The following LRRFIP1 variants were observed in gnomAD, a reference collection of about 807,000 sequenced individuals.
LRRFIP1 encodes LRR binding FLII interacting protein 1.
In LRRFIP1, 62 loss-of-function variants were observed where a neutral mutation model predicts 104.4. The observed-to-expected ratio is 0.59, with a 90% CI of 0.48 to 0.73. The LOEUF (loss-of-function observed/expected upper bound fraction) is 0.73. Among genes scored for constraint, LRRFIP1 ranks in the 30% least tolerant of loss-of-function variants. The pLI is 0.00. For synonymous variants in LRRFIP1, 300 were observed against 299.0 expected (o/e 1.00, Z -0.03); for missense variants, 796 against 824.5 (o/e 0.97, Z 0.42).
chr2:237,738,462 C>G (rs2095320227), intron 10 of LRRFIP1, among the ~76,000 whole-genome samples: 1 of 152,198 alleles, frequency 6.6e-6, no homozygotes, highest in African/African-American at 2.4e-5. Flanking sequence ...GCGTGGGTCT[C>G]TCTTGAAGAT....
chr2:237,743,561 T>A (rs1274838029), intron 11 of LRRFIP1, among the ~76,000 whole-genome samples: 1 of 152,162 alleles, frequency 6.6e-6, no homozygotes, highest in Non-Finnish European at 1.5e-5. Context: ...TTTCTTCCTC[T>A]CCAGCACGAC....
chr2:237,772,154 A>T lies in LRRFIP1; in HGVS notation c.1583A>T (p.Asp528Val). ...CTAGACAATCTTCGATCTGAAGATG[A>T]TGTCTTGGAAAACGGGACAGACATG... is the stretch of plus-strand genomic sequence containing the variant. ...GKLDNLRSEDDVLENGTDMHV... is the reference protein window; with the variant it reads ...GKLDNLRSEDVVLENGTDMHV... Residue 528 changes from aspartate (D) to valine (V), a missense_variant, in exon 21 of 24, where the codon GAT becomes GTT. Asp to Val is a radical substitution (Grantham distance 152). Coordinates refer to ENST00000308482, the MANE Select transcript of LRRFIP1 (RefSeq NM_001137550.2). 2 of 1,613,978 alleles carry T rather than the reference A, an allele frequency of 1.2e-6. No homozygotes were observed.
intron 1 of LRRFIP1, among the ~76,000 whole-genome samples, chr2:237,665,073 C>T (rs144442999): frequency 1.2e-4 from 19 of 152,248 alleles, no homozygotes; most frequent in African/African-American, 4.1e-4. Context: ...TATAATTTTA[C>T]TTATTCATGA....
At chr2:237,779,383 C>G (rs762096454) in intron 23 of LRRFIP1, 39 bp from the exon 24 acceptor site, 1 of 1,604,000 alleles carries the variant, frequency 6.2e-7, no homozygotes, top group South Asian at 1.1e-5. Context: ...TTGGAGGAAA[C>G]AAGTTCCTTA....
intron 12 of LRRFIP1, 141 bp from the exon 13 acceptor site, chr2:237,749,057 GA>G: frequency 1.3e-6 from 1 of 781,056 alleles, no homozygotes; most frequent in South Asian, 1.9e-5. Flanking sequence ...CAGCATGGGG[GA>G]AACTGCCCCC....
Position 237,649,568 on chromosome 2 carries a change from G to A in LRRFIP1, c.96+21828G>A, listed in dbSNP as rs1331666000. 6.6e-6 allele frequency among the ~76,000 whole-genome samples: 1 copy of A among 151,954 alleles called. No individual in the cohort carries two copies. The highest frequency in any genetic ancestry group is 1.5e-5 in the Non-Finnish European group (1 of 67,942). ...CACTGTGGTGTGAGAGGCAATTGTGGGTCAGCCTGAGGGCACACCCAATAT... is the reference window on the plus strand; with the variant it reads ...CACTGTGGTGTGAGAGGCAATTGTGAGTCAGCCTGAGGGCACACCCAATAT... On this transcript the variant is annotated intron_variant, in intron 1 of 23. Coordinates refer to ENST00000308482, the MANE Select transcript of LRRFIP1 (RefSeq NM_001137550.2). This position sits in a 1 kb window ranked among gnomAD's most constrained non-coding sequence, Gnocchi z 4.1.
chr2:237,774,259 C>G (rs1245205296), intron 22 of LRRFIP1, 99 bp from the exon 23 acceptor site: 2 of 718,120 alleles, frequency 2.8e-6, no homozygotes, highest in Non-Finnish European at 4.8e-6. Flanking sequence ...TGTATTCTCC[C>G]ATTTTATTAA....
intron 1 of LRRFIP1, among the ~76,000 whole-genome samples, chr2:237,704,169 T>TTC (rs1553648035): frequency 1.4e-5 from 2 of 147,362 alleles, no homozygotes; most frequent in Non-Finnish European, 3.0e-5. Context: ...TTTTTTTTTT[T>TTC]CAAGGCAGAG....
At position 237,711,056 on chromosome 2, in the gene LRRFIP1, T is replaced by C. The variant is rs922462584; in HGVS notation, c.183+2426T>C. Among the ~76,000 whole-genome samples the C allele has an allele frequency of 6.6e-6, 1 of 152,104 alleles. No individual in the cohort carries two copies. Among genetic ancestry groups the C allele is most frequent in the African/African-American group, 2.4e-5 (1 of 41,422 alleles). ...CCACTGCACTCCAGCTGGGGCAACA[T>C]AATGAGACCCCTATCTCTTTCAAAA... On this transcript the variant is annotated intron_variant, in intron 2 of 23. Coordinates refer to ENST00000308482, the MANE Select transcript of LRRFIP1 (RefSeq NM_001137550.2). The surrounding 1 kb of genome is among the most constrained non-coding windows in gnomAD (Gnocchi z 4.4).
At chr2:237,715,777 T>G (rs2094308758) in intron 3 of LRRFIP1, among the ~76,000 whole-genome samples, 1 of 152,258 alleles carries the variant, frequency 6.6e-6, no homozygotes, top group Non-Finnish European at 1.5e-5. Context: ...TCCGCATGGC[T>G]TCCGGATCAT....
chr2:237,666,597 A>G (rs2089294544), intron 1 of LRRFIP1, among the ~76,000 whole-genome samples: 1 of 150,866 alleles, frequency 6.6e-6, no homozygotes, highest in Non-Finnish European at 1.5e-5. Flanking sequence ...GGAGACAGGG[A>G]GGCCCTGAGA....
chr2:237,712,133 C>T (rs147263515), intron 2 of LRRFIP1, among the ~76,000 whole-genome samples: 3 of 152,312 alleles, frequency 2.0e-5, no homozygotes, highest in East Asian at 1.9e-4. Context: ...CCACTGGTGA[C>T]GGGCATCTTC....
intron 1 of LRRFIP1, among the ~76,000 whole-genome samples, chr2:237,679,848 T>C (rs956840027): frequency 6.6e-6 from 1 of 152,146 alleles, no homozygotes; most frequent in Non-Finnish European, 1.5e-5. Flanking sequence ...CCTCGGGTGA[T>C]CCACCCGCCT....
intron 1 of LRRFIP1, among the ~76,000 whole-genome samples, chr2:237,706,389 T>G (rs1031675946): frequency 3.3e-5 from 5 of 152,044 alleles, no homozygotes; most frequent in African/African-American, 1.2e-4. Context: ...CGGCCCCTCC[T>G]CTCTGTTCCT....
Position 237,700,027 on chromosome 2 carries a change from A to AGCCG in LRRFIP1, c.97-8517_97-8516insGCCG, listed in dbSNP as rs549733175. On this transcript the variant is annotated intron_variant, in intron 1 of 23. Transcript: ENST00000308482. ...GGGACATGGGGTGGTGGGTACACGGAACCGAGGTGAGCCTCCCTTGCGTTG... is the reference window on the plus strand; with the variant it reads ...GGGACATGGGGTGGTGGGTACACGGAGCCGACCGAGGTGAGCCTCCCTTGCGTTG... Among the ~76,000 whole-genome samples, 345 of 152,292 alleles carry AGCCG rather than the reference A, an allele frequency of 2.3e-3. 10 individuals are homozygous for AGCCG. The East Asian group carries it at 0.047, about 21-fold the overall frequency.
intron 1 of LRRFIP1, among the ~76,000 whole-genome samples, chr2:237,632,714 G>A (rs1350147243): frequency 5.3e-5 from 8 of 152,236 alleles, no homozygotes; most frequent in Admixed American, 4.6e-4. Flanking sequence ...CCCAGAAGTG[G>A]GGTTCAGTGT....
At chr2:237,738,316 G>T (rs535838621) in intron 10 of LRRFIP1, among the ~76,000 whole-genome samples, 9 of 152,226 alleles carry the variant, frequency 5.9e-5, no homozygotes, top group African/African-American at 2.2e-4. Context: ...CTTATAATTC[G>T]CAAGCAGGGC....
At chr2:237,715,029 CTG>C (rs2094271198) in intron 3 of LRRFIP1, among the ~76,000 whole-genome samples, 2 of 152,168 alleles carry the variant, frequency 1.3e-5, no homozygotes, top group African/African-American at 4.8e-5. Context: ...TAGACAACAA[CTG>C]TATTTTTCTC....
At chr2:237,731,273 C>A (rs1304261079) in intron 8 of LRRFIP1, among the ~76,000 whole-genome samples, 1 of 152,196 alleles carries the variant, frequency 6.6e-6, no homozygotes, top group African/African-American at 2.4e-5. Flanking sequence ...CAATTTCCAG[C>A]CCCTATTCTC....
Sources: gnomAD v4.1 joint callset for allele counts (sites outside exome capture counted in the v4.1 genomes callset) on GRCh38, gnomAD v4.1.1 for gene constraint, Gnocchi (gnomAD v3.1) non-coding constraint, MANE v1.5 for transcripts, NCBI Gene and HGNC (gene_info 2026-07-23, HGNC 2026-07-21) for gene names.